ZNF138: variants seen among roughly 807,000 people sequenced by gnomAD.
The protein encoded by ZNF138 is zinc finger protein 138 (clone pHZ-32).
ZNF138 carries 33 observed loss-of-function variants against 33.0 expected under a neutral mutation model. The observed-to-expected ratio is 1.00, with a 90% CI of 0.76 to 1.34. The LOEUF (loss-of-function observed/expected upper bound fraction) is 1.34. Ranked by LOEUF, ZNF138 falls within the 40% of genes most tolerant of loss-of-function variation. The probability of loss-of-function intolerance (pLI) is 0.00; values close to 1 mark genes in which losing one functional copy is unlikely to be tolerated. For synonymous variants in ZNF138, 139 were observed against 120.4 expected (o/e 1.15, Z -1.01); for missense variants, 360 against 370.8 (o/e 0.97, Z 0.24).
intron 1 of ZNF138, among the ~76,000 whole-genome samples, chr7:64,810,433 C>T (rs1193954457): frequency 3.6e-4 from 2 of 5,556 alleles, no homozygotes; most frequent in Non-Finnish European, 1.0e-3. Flanking sequence ...AGAGGGAGAC[C>T]GTGGGGAGAG....
chr7:64,833,817 C>T (rs1400760650), downstream of ZNF138: 1 of 152,124 alleles, frequency 6.6e-6, no homozygotes, highest in African/African-American at 2.4e-5. Context: ...CTCTGCCTTC[C>T]AGGTTCAAGC....
chr7:64,831,300 C>T (rs778010858), intron 3 of ZNF138, 151 bp from the exon 4 acceptor site: 96 of 922,022 alleles, frequency 1.0e-4, no homozygotes, highest in Non-Finnish European at 1.5e-4. Flanking sequence ...GTTTTTGTTA[C>T]ATTTATATGT....
chr7:64,824,782 C>T (rs554965951), intron 3 of ZNF138, among the ~76,000 whole-genome samples: 29 of 152,076 alleles, frequency 1.9e-4, no homozygotes, highest in Admixed American at 3.3e-4. Context: ...GACTTCCTCA[C>T]GCAATTGTGG....
chr7:64,837,196 G>A (rs1178646774), downstream of ZNF138, among the ~76,000 whole-genome samples: 1 of 152,108 alleles, frequency 6.6e-6, no homozygotes, highest in Non-Finnish European at 1.5e-5. Context: ...ATGTTGTGTA[G>A]GTGCCCTCTT....
chr7:64,794,611 G>A, intron 1 of ZNF138, 40 bp downstream of exon 1: 2 of 1,613,054 alleles, frequency 1.2e-6, no homozygotes, highest in Non-Finnish European at 1.7e-6. Flanking sequence ...GAGGGGGAGG[G>A]AGCTGGTTGG....
chr7:64,803,493 G>A (rs1251240094), intron 1 of ZNF138, among the ~76,000 whole-genome samples: 1 of 152,052 alleles, frequency 6.6e-6, no homozygotes, highest in Non-Finnish European at 1.5e-5. Flanking sequence ...CAAAAGCGAG[G>A]TTCAGTGTAT....
Position 64,815,632 on chromosome 7 carries a change from A to T in ZNF138, c.187A>T (p.Met63Leu). 2.5e-6 allele frequency: 4 copies of T among 1,612,202 alleles called. No homozygotes were observed. Among genetic ancestry groups the T allele is most frequent in the Non-Finnish European group, 3.4e-6 (4 of 1,179,088 alleles). The change falls in exon 3 of 4, where the codon ATG becomes TTG. Residue 63 changes from methionine to leucine, a missense_variant. Met to Leu is a conservative substitution (Grantham distance 15, BLOSUM62 2). Transcript: ENST00000307355. ...GCCCTGGAATATGAAGAGACATGAGATGGTGGTAGCCAAACATTCAGGTAG... is the reference window on the plus strand; with the variant it reads ...GCCCTGGAATATGAAGAGACATGAGTTGGTGGTAGCCAAACATTCAGGTAG... ...KEPWNMKRHE[M>L]VVAKHSALCS...
At chr7:64,843,434 C>G in the ZNF138 span, among the ~76,000 whole-genome samples, 1 of 152,136 alleles carries the variant, frequency 6.6e-6, no homozygotes, top group Non-Finnish European at 1.5e-5. Flanking sequence ...AGTGTGCAAG[C>G]ATTGCCATTT....
chr7:64,808,544 A>C (rs1403510469), intron 1 of ZNF138, among the ~76,000 whole-genome samples: 2 of 151,818 alleles, frequency 1.3e-5, no homozygotes, highest in African/African-American at 2.4e-5. Flanking sequence ...ATTTCTATGG[A>C]TATTTATGGA....
chr7:64,839,098 C>T, the ZNF138 span, among the ~76,000 whole-genome samples: 1 of 152,176 alleles, frequency 6.6e-6, no homozygotes, highest in Non-Finnish European at 1.5e-5. Flanking sequence ...AACCTTTGAA[C>T]AAATTTGATT....
chr7:64,810,769 G>T (rs73142738), intron 1 of ZNF138, among the ~76,000 whole-genome samples: 2 of 151,886 alleles, frequency 1.3e-5, no homozygotes, highest in African/African-American at 4.8e-5. Context: ...GCCTTATTTA[G>T]GTCTGGCCCC....
intron 1 of ZNF138, among the ~76,000 whole-genome samples, chr7:64,806,078 C>G (rs1787571945): frequency 6.6e-6 from 1 of 152,180 alleles, no homozygotes; most frequent in African/African-American, 2.4e-5. Context: ...CTGGAGAACT[C>G]TTTTCTTTTA....
the ZNF138 span, among the ~76,000 whole-genome samples, chr7:64,854,689 A>T: frequency 6.6e-6 from 1 of 152,258 alleles, no homozygotes; most frequent in South Asian, 2.1e-4. Flanking sequence ...CATAATTGAC[A>T]TGCTTTTTGA....
At chr7:64,855,447 T>TAAATTTAGAGAAGAATTAAAAAAAAACAG in the ZNF138 span, among the ~76,000 whole-genome samples, 4 of 1,076 alleles carry the variant, frequency 3.7e-3, no homozygotes, top group African/African-American at 3.8e-3. Context: ...TTATTTTATC[T>TAAATTTAGAGAAGAATTAAAAAAAAACAG]TGCGTGCAAA....
chr7:64,826,240 GT>G, intron 3 of ZNF138, among the ~76,000 whole-genome samples: 1 of 151,746 alleles, frequency 6.6e-6, no homozygotes, highest in Non-Finnish European at 1.5e-5. Flanking sequence ...CTTAATTTTT[GT>G]TTATTTTAAT....
intron 1 of ZNF138, among the ~76,000 whole-genome samples, 181 bp downstream of exon 1, chr7:64,794,752 C>A (rs1786551459): frequency 6.6e-6 from 1 of 152,176 alleles, no homozygotes; most frequent in Admixed American, 6.5e-5. Context: ...GGGCTGACAG[C>A]CGGAACCAGG....
intron 1 of ZNF138, among the ~76,000 whole-genome samples, chr7:64,804,763 A>G (rs1342155545): frequency 6.6e-6 from 1 of 152,184 alleles, no homozygotes; most frequent in African/African-American, 2.4e-5. Context: ...CCTGGGTGAC[A>G]GAGTGAGACT....
intron 3 of ZNF138, chr7:64,830,840 T>G: frequency 7.8e-7 from 1 of 1,277,810 alleles, no homozygotes; most frequent in African/African-American, 1.5e-5. Flanking sequence ...GTTCTTAGGA[T>G]GTGTCAGGTC....
chr7:64,795,077 G>GT (rs1459325995), intron 1 of ZNF138, among the ~76,000 whole-genome samples: 1 of 152,122 alleles, frequency 6.6e-6, no homozygotes, highest in African/African-American at 2.4e-5. Context: ...CTTGTATAAG[G>GT]TGTATGATAA....
Sources: allele counts gnomAD v4.1 joint callset (sites outside exome capture counted in the v4.1 genomes callset), GRCh38; gene constraint gnomAD v4.1.1; transcripts MANE v1.5; gene names NCBI Gene and HGNC (gene_info 2026-07-23, HGNC 2026-07-21).